TMPRSS11F: variants seen among roughly 807,000 people sequenced by gnomAD.
TMPRSS11F encodes transmembrane protease serine 11F.
Under a neutral mutation model 60.2 loss-of-function variants are expected in TMPRSS11F, and 47 were observed. The observed-to-expected ratio is 0.78, with a 90% confidence interval of 0.62 to 1.00. The LOEUF (loss-of-function observed/expected upper bound fraction) is 1.00, where lower values mean the gene tolerates loss of function less well. Among genes scored for constraint, TMPRSS11F ranks in the 50% least tolerant of loss-of-function variants. TMPRSS11F has a pLI of 0.00. For missense variants in TMPRSS11F, 519 were observed against 522.9 expected, an observed-to-expected ratio of 0.99 and a Z score of 0.07; for synonymous variants, 166 against 167.3, an observed-to-expected ratio of 0.99 and a Z score of 0.06.
chr4:68,089,873 T>C (rs1463771027), intron 3 of TMPRSS11F, among the ~76,000 whole-genome samples: 1 of 152,072 alleles, frequency 6.6e-6, no homozygotes, highest in East Asian at 1.9e-4. Flanking sequence ...CTCTTATAAG[T>C]TTAAAAGACT....
chr4:68,127,938 A>G (rs1724745082), intron 1 of TMPRSS11F, among the ~76,000 whole-genome samples: 2 of 152,170 alleles, frequency 1.3e-5, no homozygotes, highest in Admixed American at 6.5e-5. Context: ...AGGCCCATTA[A>G]TGGTAACAAC....
At chr4:68,080,104 T>G (rs577857550) in intron 3 of TMPRSS11F, 1 of 152,246 alleles carries the variant, frequency 6.6e-6, no homozygotes, top group Non-Finnish European at 1.5e-5. Flanking sequence ...CTGATTCTTT[T>G]CCTCTTTCCT....
intron 9 of TMPRSS11F, 49 bp downstream of exon 9, chr4:68,059,277 G>C: frequency 1.9e-6 from 3 of 1,594,694 alleles, no homozygotes; most frequent in Non-Finnish European, 2.6e-6. Context: ...CTCAGAAATA[G>C]CTAATGGAAA....
rs73825360 is a variant in TMPRSS11F at position 68,055,810 on chromosome 4, C to A, written c.1159-1743G>T. 9.0e-3 allele frequency among the ~76,000 whole-genome samples: 1,375 copies of A among 152,210 alleles called. 26 individuals carry two copies. Among genetic ancestry groups the A allele is most frequent in the African/African-American group, 0.031 (1,306 of 41,534 alleles). ...GGATGTAAAAATCCTTAACAAAATACTCATGAACCAAATTCAAATAGATTA... is the reference window on the plus strand; with the variant it reads ...GGATGTAAAAATCCTTAACAAAATAATCATGAACCAAATTCAAATAGATTA... On this transcript the variant is annotated intron_variant, in intron 9 of 9. Transcript: ENST00000356291.
intron 2 of TMPRSS11F, among the ~76,000 whole-genome samples, chr4:68,092,332 T>C (rs1723960640): frequency 6.6e-6 from 1 of 152,208 alleles, no homozygotes; most frequent in Non-Finnish European, 1.5e-5. Context: ...TTGTTATTTA[T>C]TCTGTTAAAA....
At chr4:68,122,077 T>G (rs1409478416) in intron 1 of TMPRSS11F, among the ~76,000 whole-genome samples, 1 of 152,198 alleles carries the variant, frequency 6.6e-6, no homozygotes, top group African/African-American at 2.4e-5. Flanking sequence ...CATTAAGACC[T>G]AATTAATTGT....
intron 1 of TMPRSS11F, among the ~76,000 whole-genome samples, chr4:68,104,071 A>G (rs1724250688): frequency 6.6e-6 from 1 of 152,154 alleles, no homozygotes. Flanking sequence ...TGGGATTTAT[A>G]CATTTAAGAT....
intron 8 of TMPRSS11F, chr4:68,061,995 A>G (rs1723188912): frequency 2.2e-6 from 1 of 453,110 alleles, no homozygotes; most frequent in Non-Finnish European, 4.4e-6. Context: ...GCACAATGAA[A>G]CTAAGTGCAC....
At chr4:68,070,105 A>G in intron 5 of TMPRSS11F, 98 bp from the exon 6 acceptor site, 1 of 948,546 alleles carries the variant, frequency 1.1e-6, no homozygotes. Context: ...TGAATTATCT[A>G]AAGCATACAT....
At chr4:68,113,093 G>C (rs980962381) in intron 1 of TMPRSS11F, among the ~76,000 whole-genome samples, 1 of 152,076 alleles carries the variant, frequency 6.6e-6, no homozygotes, top group Non-Finnish European at 1.5e-5. Context: ...AGCACAATCT[G>C]TTTCATAAAC....
chr4:68,095,485 C>A (rs1025500679), intron 2 of TMPRSS11F, among the ~76,000 whole-genome samples: 2 of 152,070 alleles, frequency 1.3e-5, no homozygotes, highest in African/African-American at 4.8e-5. Flanking sequence ...ATATCCTACA[C>A]CAAATTAGCA....
intron 2 of TMPRSS11F, among the ~76,000 whole-genome samples, chr4:68,090,899 G>C (rs1483402659): frequency 6.6e-6 from 1 of 151,990 alleles, no homozygotes; most frequent in Non-Finnish European, 1.5e-5. Flanking sequence ...TCATAAAATT[G>C]GACATGCAAC....
chr4:68,087,949 T>A (rs1166674134), intron 3 of TMPRSS11F, among the ~76,000 whole-genome samples: 3 of 145,182 alleles, frequency 2.1e-5, no homozygotes, highest in Admixed American at 7.2e-5. Context: ...AGTTCCCACC[T>A]ATGAGTGAGA....
intron 8 of TMPRSS11F, among the ~76,000 whole-genome samples, chr4:68,063,702 T>C (rs1329243118): frequency 2.0e-5 from 3 of 152,028 alleles, no homozygotes; most frequent in Non-Finnish European, 4.4e-5. Flanking sequence ...TAACGTAGAG[T>C]GAACTAGTAC....
chr4:68,062,391 T>C (rs1560392207), intron 8 of TMPRSS11F: 4 of 541,256 alleles, frequency 7.4e-6, no homozygotes, highest in Non-Finnish European at 1.4e-5. Flanking sequence ...ATCTCAGTAT[T>C]AGATGTTCTT....
At chr4:68,115,305 C>T (rs986846116) in intron 1 of TMPRSS11F, among the ~76,000 whole-genome samples, 7 of 138,920 alleles carry the variant, frequency 5.0e-5, no homozygotes, top group South Asian at 2.2e-4. Flanking sequence ...GGCAGCAAGC[C>T]GAGATCGCAC....
At chr4:68,111,025 C>G (rs1724401228) in intron 1 of TMPRSS11F, among the ~76,000 whole-genome samples, 1 of 152,122 alleles carries the variant, frequency 6.6e-6, no homozygotes, top group Admixed American at 6.5e-5. Flanking sequence ...ATCTCATTTT[C>G]TTTTATGCCT....
intron 1 of TMPRSS11F, among the ~76,000 whole-genome samples, chr4:68,115,453 G>A (rs534300323): frequency 2.8e-4 from 43 of 151,884 alleles, no homozygotes; most frequent in Admixed American, 9.8e-4. Flanking sequence ...ATATGCAATG[G>A]TGAGACTGAA....
intron 1 of TMPRSS11F, among the ~76,000 whole-genome samples, chr4:68,112,584 A>T (rs779673933): frequency 6.6e-6 from 1 of 152,166 alleles, no homozygotes; most frequent in African/African-American, 2.4e-5. Flanking sequence ...GCCTCTAAAA[A>T]ATACTACTAA....
Sources: allele counts gnomAD v4.1 joint callset (sites outside exome capture counted in the v4.1 genomes callset), GRCh38; gene constraint gnomAD v4.1.1; transcripts MANE v1.5; gene names NCBI Gene and HGNC (gene_info 2026-07-23, HGNC 2026-07-21).